GABRA3: variants seen among roughly 807,000 people sequenced by gnomAD.
GABRA3 encodes the protein gamma-aminobutyric acid receptor subunit alpha-3.
GABRA3 carries 10 observed loss-of-function variants against 30.1 expected under a neutral mutation model. The observed-to-expected ratio is 0.33, with a 90% CI of 0.20 to 0.56. The LOEUF (loss-of-function observed/expected upper bound fraction) is 0.56, where lower values mean the gene tolerates loss of function less well. Among genes scored for constraint, GABRA3 ranks in the 20% least tolerant of loss-of-function variants. The pLI, the probability that GABRA3 is intolerant of heterozygous loss-of-function variation, is 0.89. For missense variants in GABRA3, 233 were observed against 392.0 expected (o/e 0.59, Z 3.42); for synonymous variants, 151 against 146.8 (o/e 1.03, Z -0.21).
chrX:152,411,257 G>A (rs1230498948), intron 1 of GABRA3, among the ~76,000 whole-genome samples: 1 of 111,478 alleles, frequency 9.0e-6, no homozygotes, highest in Non-Finnish European at 1.9e-5. Context: ...GGAGGCTGCA[G>A]TGAGCCATGA....
intron 1 of GABRA3, among the ~76,000 whole-genome samples, chrX:152,430,622 G>C (rs779576569): frequency 9.0e-6 from 1 of 111,385 alleles, no homozygotes; most frequent in South Asian, 3.7e-4. Context: ...AAGTGGTTCT[G>C]AACTAGGGAC....
chrX:152,404,996 GA>G (rs779302627), intron 1 of GABRA3, among the ~76,000 whole-genome samples: 9 of 108,321 alleles, frequency 8.3e-5, no homozygotes, highest in Non-Finnish European at 1.7e-4. Flanking sequence ...AACTTTATAG[GA>G]AAAAAATACT....
intron 2 of GABRA3, among the ~76,000 whole-genome samples, chrX:152,350,559 T>C (rs113636978): frequency 0.059 from 6,571 of 111,661 alleles, 188 homozygotes; most frequent in Middle Eastern, 0.097. Flanking sequence ...TATAGTTTTC[T>C]TGCTATTTCC....
intron 9 of GABRA3, among the ~76,000 whole-genome samples, chrX:152,173,344 G>C (rs1238122568): frequency 9.0e-6 from 1 of 111,156 alleles, no homozygotes; most frequent in African/African-American, 3.3e-5. Context: ...TTTTGGTGGA[G>C]AGAAAGGAGC....
chrX:152,231,148 T>TAC (rs1938061710), intron 5 of GABRA3, among the ~76,000 whole-genome samples: 1 of 104,900 alleles, frequency 9.5e-6, no homozygotes, highest in African/African-American at 3.6e-5. Flanking sequence ...AGTGTATATA[T>TAC]ATATATACAC....
intron 2 of GABRA3, among the ~76,000 whole-genome samples, chrX:152,357,329 T>A (rs1940565330): frequency 8.9e-6 from 1 of 111,993 alleles, no homozygotes; most frequent in Non-Finnish European, 1.9e-5. Context: ...CGGACTGATA[T>A]GAGATGGTAT....
intron 4 of GABRA3, among the ~76,000 whole-genome samples, chrX:152,266,447 A>C (rs190659812): frequency 3.0e-4 from 33 of 111,443 alleles, no homozygotes; most frequent in Admixed American, 2.4e-3. Flanking sequence ...CATCATAAAA[A>C]CCCACAAACC....
intron 1 of GABRA3, among the ~76,000 whole-genome samples, chrX:152,368,929 T>A (rs1293941564): frequency 1.8e-5 from 2 of 110,958 alleles, no homozygotes; most frequent in African/African-American, 6.6e-5. Flanking sequence ...ATTGTCTCGA[T>A]CTCCTGACCT....
chrX:152,274,440 G>A (rs750857277), intron 4 of GABRA3, among the ~76,000 whole-genome samples: 57 of 109,582 alleles, frequency 5.2e-4, no homozygotes, highest in Non-Finnish European at 8.2e-4. Flanking sequence ...CAAATCTCAA[G>A]AAACACAAAA....
chrX:152,328,799 A>T (rs1388369766), intron 3 of GABRA3, among the ~76,000 whole-genome samples: 1 of 111,851 alleles, frequency 8.9e-6, no homozygotes, highest in African/African-American at 3.2e-5. Flanking sequence ...CAAGACAGGG[A>T]TGCCCTCTCT....
chrX:152,378,385 CA>C (rs1328122183), intron 1 of GABRA3, among the ~76,000 whole-genome samples: 1 of 111,554 alleles, frequency 9.0e-6, no homozygotes, highest in African/African-American at 3.3e-5. Flanking sequence ...GATATTTAAA[CA>C]ATAAACTAGA....
At chrX:152,216,733 T>C (rs1204168320) in intron 6 of GABRA3, among the ~76,000 whole-genome samples, 1 of 109,956 alleles carries the variant, frequency 9.1e-6, no homozygotes, top group Non-Finnish European at 1.9e-5. Flanking sequence ...GAATAAGTTC[T>C]GGTGTGCTAT....
intron 5 of GABRA3, among the ~76,000 whole-genome samples, chrX:152,255,138 C>T (rs1938616614): frequency 9.0e-6 from 1 of 110,986 alleles, no homozygotes; most frequent in African/African-American, 3.3e-5. Flanking sequence ...TATACACACA[C>T]ACATATGCAC....
intron 4 of GABRA3, among the ~76,000 whole-genome samples, chrX:152,269,395 A>T (rs781630316): frequency 3.6e-5 from 4 of 112,484 alleles, no homozygotes; most frequent in Non-Finnish European, 5.6e-5. Context: ...TGATATTGTT[A>T]AAATGACAAT....
At chrX:152,430,631 A>G (rs992167691) in intron 1 of GABRA3, among the ~76,000 whole-genome samples, 1 of 111,845 alleles carries the variant, frequency 8.9e-6, no homozygotes, top group Admixed American at 9.5e-5. Flanking sequence ...TGAACTAGGG[A>G]CTGATCACAG....
intron 9 of GABRA3, among the ~76,000 whole-genome samples, chrX:152,187,892 T>C (rs1251006243): frequency 8.9e-6 from 1 of 112,419 alleles, no homozygotes; most frequent in Non-Finnish European, 1.9e-5. Context: ...TTGAGTATTG[T>C]AATAAATGTC....
chrX:152,218,674 C>CT (rs1937773167), intron 6 of GABRA3, among the ~76,000 whole-genome samples: 1 of 110,946 alleles, frequency 9.0e-6, no homozygotes, highest in South Asian at 3.8e-4. Flanking sequence ...AATTGTTATA[C>CT]TTTTTTCTGA....
intron 5 of GABRA3, among the ~76,000 whole-genome samples, chrX:152,239,565 CGTT>C (rs1428287786): frequency 1.1e-5 from 1 of 90,732 alleles, no homozygotes; most frequent in East Asian, 3.9e-4. Flanking sequence ...CTTTCTGTCT[CGTT>C]GATCTGTCTA....
chrX:152,263,040 C>T (rs1478628806), intron 4 of GABRA3, among the ~76,000 whole-genome samples: 1 of 111,080 alleles, frequency 9.0e-6, no homozygotes, highest in Non-Finnish European at 1.9e-5. Flanking sequence ...GAGAGAAGTG[C>T]CAAGCAAAAG....
Sources: allele counts gnomAD v4.1 joint callset (sites outside exome capture counted in the v4.1 genomes callset), GRCh38; gene constraint gnomAD v4.1.1; transcripts MANE v1.5; gene names NCBI Gene and HGNC (gene_info 2026-07-23, HGNC 2026-07-21).